Variants in FAM193A observed in about 807,000 individuals in gnomAD.
The protein encoded by FAM193A is protein FAM193A.
In FAM193A, 22 loss-of-function variants were observed where a neutral mutation model predicts 126.5. The observed-to-expected ratio is 0.17, with a 90% CI of 0.12 to 0.25. The LOEUF (loss-of-function observed/expected upper bound fraction) is 0.25. FAM193A is among the 10% of genes least tolerant of loss of function. The pLI is 1.00. For synonymous variants in FAM193A, 761 were observed against 646.8 expected, an observed-to-expected ratio of 1.18 and a Z score of -2.68; for missense variants, 1,675 against 1,672.8, an observed-to-expected ratio of 1.00 and a Z score of -0.02.
chr4:2,719,512 C>A (rs60108859), intron 20 of FAM193A, among the ~76,000 whole-genome samples: 1 of 151,898 alleles, frequency 6.6e-6, no homozygotes, highest in Non-Finnish European at 1.5e-5. Flanking sequence ...TTGGGAGGCC[C>A]AGGCGGGCGG....
chr4:2,710,161 G>GTT (rs796903801), intron 19 of FAM193A, among the ~76,000 whole-genome samples: 2,375 of 91,792 alleles, frequency 0.026, 58 homozygotes, highest in South Asian at 0.04. Context: ...TTCTTCTTTT[G>GTT]TTTTTTTTTT....
At chr4:2,542,746 C>T (rs1024094262) in intron 1 of FAM193A, among the ~76,000 whole-genome samples, 3 of 152,142 alleles carry the variant, frequency 2.0e-5, no homozygotes, top group Non-Finnish European at 4.4e-5. Flanking sequence ...CTCTACACTC[C>T]GTAGTCACCA....
At chr4:2,538,370 T>C (rs1034116783) in intron 1 of FAM193A, among the ~76,000 whole-genome samples, 6 of 151,960 alleles carry the variant, frequency 3.9e-5, no homozygotes, top group Non-Finnish European at 5.9e-5. Context: ...CCCGGCTAAT[T>C]TTTGTAGAGA....
intron 19 of FAM193A, chr4:2,715,397 A>G: frequency 1.9e-6 from 1 of 530,440 alleles, no homozygotes; most frequent in Non-Finnish European, 2.4e-6. Context: ...TGGAAGATGG[A>G]GGTTCCAGTG....
At chr4:2,607,928 G>T in intron 2 of FAM193A, 3 of 1,271,868 alleles carry the variant, frequency 2.4e-6, no homozygotes, top group Non-Finnish European at 3.3e-6. Flanking sequence ...TGATGGTGTC[G>T]CTTTATGAAC....
intron 1 of FAM193A, among the ~76,000 whole-genome samples, chr4:2,538,133 T>C (rs1737001313): frequency 6.6e-6 from 1 of 152,202 alleles, no homozygotes; most frequent in African/African-American, 2.4e-5. Flanking sequence ...TTTAAAGATA[T>C]TGCAATTAAA....
intron 1 of FAM193A, 55 bp downstream of exon 1, chr4:2,537,225 G>GCGCCTTGGCGGAGCTCGGCCTCC (rs1736933069): frequency 5.2e-6 from 1 of 193,890 alleles, no homozygotes; most frequent in Admixed American, 6.2e-5. Context: ...CCGTTCCCTC[G>GCGCCTTGGCGGAGCTCGGCCTCC]CGCCTTGGCG....
intron 1 of FAM193A, among the ~76,000 whole-genome samples, chr4:2,543,364 G>T (rs973402216): frequency 1.3e-5 from 2 of 151,960 alleles, no homozygotes; most frequent in Non-Finnish European, 2.9e-5. Context: ...TAGGATTACG[G>T]TGTGAGCCAC....
chr4:2,586,866 C>T (rs991575876), intron 1 of FAM193A, among the ~76,000 whole-genome samples: 2 of 151,920 alleles, frequency 1.3e-5, no homozygotes, highest in Non-Finnish European at 2.9e-5. Flanking sequence ...GTTGCTCAGG[C>T]GGTCTTGAAC....
At chr4:2,684,868 C>A (rs1261148575) in intron 13 of FAM193A, among the ~76,000 whole-genome samples, 1 of 152,178 alleles carries the variant, frequency 6.6e-6, no homozygotes, top group African/African-American at 2.4e-5. Context: ...CCCCTCTTAC[C>A]TAGCAAGGCC....
Position 2,594,761 on chromosome 4 carries a change from G to A in FAM193A, c.256-1323G>A, listed in dbSNP as rs866023541. Reference sequence around the variant, plus strand: ...ACACACACACACTTGCTGGTCTTGGGACTTTAACCCCATTTCCAGTTGTGT... The same window carrying A: ...ACACACACACACTTGCTGGTCTTGGAACTTTAACCCCATTTCCAGTTGTGT... On this transcript the variant is annotated intron_variant, in intron 1 of 20. Coordinates refer to ENST00000637812, the MANE Select transcript of FAM193A (RefSeq NM_001366318.2). 4.7e-5 allele frequency among the ~76,000 whole-genome samples: 7 copies of A among 150,144 alleles called. No individual in the cohort carries two copies. In the South Asian group the frequency reaches 6.3e-4, roughly 14 times the overall value.
At chr4:2,671,450 C>T (rs929461139) in intron 12 of FAM193A, among the ~76,000 whole-genome samples, 3 of 152,204 alleles carry the variant, frequency 2.0e-5, no homozygotes, top group African/African-American at 7.2e-5. Flanking sequence ...CCTGCAGTCA[C>T]AGAACTCCTG....
intron 8 of FAM193A, 110 bp downstream of exon 8, chr4:2,657,990 A>G (rs1029040092): frequency 1.3e-6 from 1 of 757,520 alleles, no homozygotes. Context: ...GGAGGACCAC[A>G]TTGGCATGTT....
At chr4:2,594,986 G>A (rs1740779835) in intron 1 of FAM193A, among the ~76,000 whole-genome samples, 2 of 151,100 alleles carry the variant, frequency 1.3e-5, no homozygotes, top group Admixed American at 6.6e-5. Flanking sequence ...ACACCACCAC[G>A]CCCAGCTAAT....
chr4:2,562,805 T>C (rs1360625571), intron 1 of FAM193A, among the ~76,000 whole-genome samples: 9 of 151,514 alleles, frequency 5.9e-5, no homozygotes, highest in African/African-American at 2.2e-4. Flanking sequence ...AATTTTTGTA[T>C]TTTTAGTAGA....
intron 1 of FAM193A, 71 bp downstream of exon 1, chr4:2,537,241 CGGCCTCCCGCT>C: frequency 5.7e-6 from 1 of 175,536 alleles, no homozygotes; most frequent in Non-Finnish European, 1.2e-5. Flanking sequence ...TGGCGGAGCT[CGGCCTCCCGCT>C]GTCGGCCCCG....
chr4:2,663,810 T>C (rs1460688647), intron 12 of FAM193A, among the ~76,000 whole-genome samples: 5 of 152,078 alleles, frequency 3.3e-5, no homozygotes, highest in Non-Finnish European at 5.9e-5. Context: ...CTACTAAAAA[T>C]ACAAAAATTA....
At chr4:2,638,693 A>G (rs765161760) in intron 5 of FAM193A, among the ~76,000 whole-genome samples, 1 of 152,110 alleles carries the variant, frequency 6.6e-6, no homozygotes, top group East Asian at 1.9e-4. Context: ...GCTCTCTCCA[A>G]ATGTGTTTAT....
chr4:2,571,814 A>T (rs1739308737), intron 1 of FAM193A, among the ~76,000 whole-genome samples: 1 of 150,692 alleles, frequency 6.6e-6, no homozygotes, highest in Non-Finnish European at 1.5e-5. Flanking sequence ...AGCTGGGATT[A>T]CAGGTGTGAG....
Sources: allele counts gnomAD v4.1 joint callset (sites outside exome capture counted in the v4.1 genomes callset), GRCh38; gene constraint gnomAD v4.1.1; transcripts MANE v1.5; gene names NCBI Gene and HGNC (gene_info 2026-07-23, HGNC 2026-07-21).